Variants in RYR2 observed in about 807,000 individuals in gnomAD.
RYR2 encodes the protein ryanodine receptor 2, also known as cardiac muscle ryanodine receptor-calcium release channel.
In RYR2, 227 loss-of-function variants were observed where a neutral mutation model predicts 601.1. The observed-to-expected ratio is 0.38, with a 90% CI of 0.34 to 0.42. The LOEUF is 0.42. Among genes scored for constraint, RYR2 ranks in the 10% least tolerant of loss-of-function variants. The probability of loss-of-function intolerance (pLI) is 1.00; values close to 1 mark genes in which losing one functional copy is unlikely to be tolerated. For synonymous variants in RYR2, 2,223 were observed against 2,175.1 expected (o/e 1.02, Z -0.61); for missense variants, 4,646 against 6,156.5 (o/e 0.75, Z 8.21).
chr1:237,109,037 G>A (rs1669113507), intron 1 of RYR2, among the ~76,000 whole-genome samples: 1 of 152,122 alleles, frequency 6.6e-6, no homozygotes, highest in African/African-American at 2.4e-5. Context: ...TTGTGTCTAT[G>A]TATATGTGTG....
intron 10 of RYR2, among the ~76,000 whole-genome samples, chr1:237,390,716 A>G (rs1702306439): frequency 6.6e-6 from 1 of 152,232 alleles, no homozygotes; most frequent in Admixed American, 6.5e-5. Flanking sequence ...CATTTCAAAG[A>G]TATTTTAATC....
chr1:237,801,271 A>C (rs991200594), intron 97 of RYR2, among the ~76,000 whole-genome samples: 5 of 151,110 alleles, frequency 3.3e-5, no homozygotes, highest in African/African-American at 4.9e-5. Flanking sequence ...TGGTGCATGC[A>C]TGTAATCCCA....
In RYR2 at chr1:237,638,362, T is replaced by C. The variant is rs1280656042; in HGVS notation, c.6798T>C (p.Val2266=). The change falls in exon 45 of 105, where the codon GTT becomes GTC. Residue 2266 remains valine, a synonymous_variant. Transcript: ENST00000366574. ...GTTAATCATGTTGTTTGCAGGTAGT[T>C]CGTTATTTGGCTGGTTGTGGACTGC... ...ALREPDLEKV[V]RYLAGCGLQS... 6.2e-7 allele frequency: 1 copy of C among 1,613,902 alleles called. No homozygotes were observed. Among genetic ancestry groups the C allele is most frequent in the East Asian group, 2.2e-5 (1 of 44,854 alleles).
Position 237,380,334 on chromosome 1 carries a change from G to A in RYR2, c.576+2899G>A, listed in dbSNP as rs944265242. 2.1e-3 allele frequency among the ~76,000 whole-genome samples: 207 copies of A among 96,686 alleles called. 1 individual carries two copies. Among genetic ancestry groups the A allele is most frequent in the Middle Eastern group, 0.013 (2 of 150 alleles). 63.4% of individuals were successfully genotyped at this position (96,686 alleles called of 152,430 possible). A position where few individuals can be genotyped will look rare whatever the true frequency, so the allele number is the denominator to read the frequency against. On this transcript the variant is annotated intron_variant, in intron 8 of 104. Transcript: ENST00000366574. Reference sequence around the variant, plus strand: ...AAAGTTGGGCTGTGTGTATATATATGCACACTTGCCTTGTAGAATACACAA... The same window carrying A: ...AAAGTTGGGCTGTGTGTATATATATACACACTTGCCTTGTAGAATACACAA...
intron 3 of RYR2, among the ~76,000 whole-genome samples, chr1:237,350,601 A>G (rs1337013282): frequency 1.8e-4 from 15 of 83,232 alleles, no homozygotes; most frequent in African/African-American, 7.8e-4. Flanking sequence ...AAAAAAAAAA[A>G]AATATATATA....
Position 237,617,314 on chromosome 1 carries a change from A to T in RYR2, c.5744A>T (p.Asp1915Val). The T allele has an allele frequency of 6.2e-7, 1 of 1,613,506 alleles. No homozygotes were observed. Among genetic ancestry groups the T allele is most frequent in the Non-Finnish European group, 8.5e-7 (1 of 1,179,658 alleles). Reference protein sequence around the residue: ...QMCLLLQYLCDCQVRHRIEAI... With the variant: ...QMCLLLQYLCVCQVRHRIEAI... ...TGCCTACTGCTTCAGTACCTCTGTG[A>T]CTGCCAGGTCCGGCACCGGATAGAA... The change falls in exon 38 of 105, where the codon GAC becomes GTC. Residue 1915 changes from aspartate to valine, a missense_variant. Around this residue, in one of 17 missense-constraint regions of RYR2, gnomAD observed 1,807 missense variants for 2,088.1 expected, o/e 0.87. Coordinates refer to ENST00000366574, the MANE Select transcript of RYR2 (RefSeq NM_001035.3).
chr1:237,828,284 G>A, intron 101 of RYR2, 97 bp from the exon 102 acceptor site: 1 of 775,548 alleles, frequency 1.3e-6, no homozygotes, highest in Non-Finnish European at 2.2e-6. Flanking sequence ...ATTTTGCAAG[G>A]TAGTTGTACA....
intron 1 of RYR2, among the ~76,000 whole-genome samples, chr1:237,181,283 A>C (rs142494460): frequency 6.9e-4 from 102 of 147,122 alleles, no homozygotes; most frequent in African/African-American, 2.3e-3. Context: ...CACACCTGGC[A>C]GCTAAGCACT....
At chr1:237,440,351 A>G (rs1331118483) in intron 12 of RYR2, among the ~76,000 whole-genome samples, 2 of 152,224 alleles carry the variant, frequency 1.3e-5, no homozygotes, top group Non-Finnish European at 2.9e-5. Context: ...ACGTAAAGTA[A>G]ATTAACAAGG....
intron 1 of RYR2, among the ~76,000 whole-genome samples, chr1:237,097,420 A>G (rs547360201): frequency 6.6e-6 from 1 of 152,256 alleles, no homozygotes; most frequent in South Asian, 2.1e-4. Flanking sequence ...GACAGAACTG[A>G]TTTTCTTTTA....
intron 96 of RYR2, among the ~76,000 whole-genome samples, chr1:237,797,755 A>G (rs940258285): frequency 1.3e-5 from 2 of 152,140 alleles, no homozygotes; most frequent in Non-Finnish European, 2.9e-5. Context: ...ATTTCCCTCC[A>G]TTTCTTATGC....
At position 237,438,768 on chromosome 1, in the gene RYR2, C is replaced by A. The variant is rs1188955616; in HGVS notation, c.1006-2551C>A. Reference sequence around the variant, plus strand: ...CAGACAGATTGGGCACTGCATGCCCCAAGGCAAAAGGCAGCCACCTACCAA... The same window carrying A: ...CAGACAGATTGGGCACTGCATGCCCAAAGGCAAAAGGCAGCCACCTACCAA... On this transcript the variant is annotated intron_variant, in intron 12 of 104. Transcript: ENST00000366574. Among the ~76,000 whole-genome samples, 6 of 152,316 alleles carry A rather than the reference C, an allele frequency of 3.9e-5. No individual in the cohort carries two copies. The East Asian group carries it at 7.7e-4, about 20-fold the overall frequency.
chr1:237,712,797 C>T (rs1473579720), intron 71 of RYR2, among the ~76,000 whole-genome samples: 1 of 152,110 alleles, frequency 6.6e-6, no homozygotes, highest in Non-Finnish European at 1.5e-5. Flanking sequence ...GAGTAGCTTC[C>T]ATTTAAAGCA....
chr1:237,373,561 G>T (rs1700805534), intron 6 of RYR2, among the ~76,000 whole-genome samples: 1 of 152,186 alleles, frequency 6.6e-6, no homozygotes. Context: ...ATTCGTCTTT[G>T]TATCTCTGTT....
Position 237,757,585 on chromosome 1 carries a change from A to G in RYR2, c.11246-112A>G, listed in dbSNP as rs10925508. The G allele has an allele frequency of 4.9e-5, 34 of 695,884 alleles. No homozygotes were observed. The African/African-American group carries it at 4.9e-4, about 10-fold the overall frequency. The allele number at this position is 695,884 out of a possible 1,614,324, so 43.1% of individuals were successfully genotyped here. A position where few individuals can be genotyped will look rare whatever the true frequency, so the allele number is the denominator to read the frequency against. The stretch of plus-strand genomic sequence containing the variant: ...AGTCAGTCTCCCTATGCCATTAAAC[A>G]GATTGCCTGGGGGGGCATAATAATA... On this transcript the variant is annotated intron_variant, in intron 81 of 104. Coordinates refer to ENST00000366574, the MANE Select transcript of RYR2 (RefSeq NM_001035.3).
rs773401697 is a variant in RYR2, at chr1:237,680,447, T to C, written c.8896-9T>C. 32 of 1,607,874 alleles carry C rather than the reference T, an allele frequency of 2.0e-5. No homozygotes were observed. The highest frequency in any genetic ancestry group is 2.7e-5 in the Non-Finnish European group (32 of 1,175,624). ...CTACGTAGATCTGTCTTCTTTTCCT[T>C]TCTTTCAGGTCGTTCTTCCTTTAAT... On this transcript the variant is annotated splice_polypyrimidine_tract_variant and intron_variant, in intron 61 of 104. Transcript: ENST00000366574.
At chr1:237,155,206 C>T (rs540398240) in intron 1 of RYR2, among the ~76,000 whole-genome samples, 20 of 132,468 alleles carry the variant, frequency 1.5e-4, no homozygotes, top group Admixed American at 5.2e-4. Flanking sequence ...GACAGAGTCT[C>T]GCTCTGTTGT....
At chr1:237,631,317 C>A in intron 41 of RYR2, 110 bp from the exon 42 acceptor site, 2 of 684,498 alleles carry the variant, frequency 2.9e-6, no homozygotes, top group Non-Finnish European at 5.0e-6. Flanking sequence ...ACTGTGATTG[C>A]TTTTACTTTT....
At chr1:237,157,776 A>C (rs1675565730) in intron 1 of RYR2, among the ~76,000 whole-genome samples, 1 of 152,216 alleles carries the variant, frequency 6.6e-6, no homozygotes, top group South Asian at 2.1e-4. Context: ...TAATGGGTAC[A>C]AAAATACAGT....
Sources: gnomAD v4.1 joint callset for allele counts (sites outside exome capture counted in the v4.1 genomes callset) on GRCh38, gnomAD v4.1.1 for gene constraint, gnomAD v4.1.1 regional missense constraint, MANE v1.5 for transcripts, NCBI Gene and HGNC (gene_info 2026-07-23, HGNC 2026-07-21) for gene names.